The following ACLY variants were observed in gnomAD, a reference collection of about 807,000 sequenced individuals.
ACLY encodes ATP-citrate synthase.
Under a neutral mutation model 133.0 loss-of-function variants are expected in ACLY, and 41 were observed. The observed-to-expected ratio is 0.31, with a 90% CI of 0.24 to 0.40. ACLY has a LOEUF of 0.40. Ranked by LOEUF, ACLY falls within the 10% of genes least tolerant of loss-of-function variation. The pLI is 1.00. For synonymous variants in ACLY, 495 were observed against 549.3 expected, an observed-to-expected ratio of 0.90 and a Z score of 1.38; for missense variants, 1,046 against 1,453.8, an observed-to-expected ratio of 0.72 and a Z score of 4.56.
In ACLY at chr17:41,872,038, G is replaced by A. The variant is rs989698339; in HGVS notation, c.2787C>T (p.Leu929=). 1 of 1,613,908 alleles carries A rather than the reference G, an allele frequency of 6.2e-7. No homozygotes were observed. The highest frequency in any genetic ancestry group is 1.3e-5 in the African/African-American group (1 of 74,912). The stretch of plus-strand genomic sequence containing the variant: ...CCATGATGACAGTACTTACGATGGT[G>A]AGCAGCCCCGAGGTGAGGCTGGAGA... The part of the protein sequence containing the change: ...DLVSSLTSGL[L]TIGDRFGGAL... The change falls in exon 24 of 29, where the codon CTC becomes CTT. Residue 929 remains leucine (L), a synonymous_variant. Transcript: ENST00000352035.
chr17:41,890,531 A>G (rs1258342603), intron 16 of ACLY, among the ~76,000 whole-genome samples: 3 of 151,436 alleles, frequency 2.0e-5, no homozygotes, highest in African/African-American at 7.3e-5. Flanking sequence ...AAAAATACAA[A>G]AAAAAAATTA....
At chr17:41,919,863 A>G (rs1218653134), upstream of ACLY, among the ~76,000 whole-genome samples, 1 of 152,224 alleles carries the variant, frequency 6.6e-6, no homozygotes, top group East Asian at 1.9e-4. Flanking sequence ...CTTGTGGGGC[A>G]GAATATGTGA....
intron 16 of ACLY, among the ~76,000 whole-genome samples, 172 bp downstream of exon 16, chr17:41,892,107 C>A (rs1243866675): frequency 6.6e-6 from 1 of 152,176 alleles, no homozygotes; most frequent in East Asian, 1.9e-4. Context: ...ACCATTTCCA[C>A]CTAAACCACT....
chr17:41,867,962 G>C, intron 28 of ACLY, 58 bp from the exon 29 acceptor site: 1 of 1,262,364 alleles, frequency 7.9e-7, no homozygotes, highest in Non-Finnish European at 1.1e-6. Flanking sequence ...GTGAGAGGAA[G>C]AGGCTAAGGA....
intron 1 of ACLY, among the ~76,000 whole-genome samples, chr17:41,917,355 G>A (rs1228940031): frequency 6.6e-6 from 1 of 152,070 alleles, no homozygotes; most frequent in Admixed American, 6.6e-5. Flanking sequence ...GGGAAATCAT[G>A]CCAAGGAACC....
At chr17:41,871,550 T>G in intron 25 of ACLY, 139 bp downstream of exon 25, 1 of 950,070 alleles carries the variant, frequency 1.1e-6, no homozygotes, top group South Asian at 1.6e-5. Context: ...AGACGGGGTT[T>G]CTCCATGTTG....
At chr17:41,869,404 T>C in intron 26 of ACLY, 70 bp downstream of exon 26, 4 of 1,269,792 alleles carry the variant, frequency 3.2e-6, no homozygotes, top group Middle Eastern at 2.6e-4. Flanking sequence ...AATCAAAATG[T>C]AACGTGGCTC....
intron 14 of ACLY, among the ~76,000 whole-genome samples, chr17:41,895,681 T>A (rs2049345635): frequency 6.6e-6 from 1 of 152,212 alleles, no homozygotes; most frequent in Non-Finnish European, 1.5e-5. Context: ...CTGGTCCCTG[T>A]TCTTTCCACA....
chr17:41,917,134 CAAAA>C (rs35545409), intron 1 of ACLY, among the ~76,000 whole-genome samples: 2 of 53,544 alleles, frequency 3.7e-5, no homozygotes. Flanking sequence ...GACTCTGTCT[CAAAA>C]AAAAAAAAAA....
chr17:41,887,515 G>C (rs998058476), intron 17 of ACLY, 84 bp downstream of exon 17: 8 of 1,068,268 alleles, frequency 7.5e-6, no homozygotes, highest in Admixed American at 3.5e-5. Context: ...GGGAGATAGA[G>C]GAGTCAAAAA....
In ACLY at chr17:41,912,472, G is replaced by C. The variant is rs1157547570; in HGVS notation, c.230C>G (p.Thr77Ser). Residue 77 changes from threonine (T) to serine (S), a missense_variant, in exon 3 of 29, where the codon ACT becomes AGT. Physicochemically the swap from Thr to Ser is moderately conservative, Grantham distance 58. This residue lies in a region of ACLY where 227 missense variants were observed against 245.6 expected (regional missense o/e 0.92). Transcript: ENST00000352035. Reference sequence around the variant, plus strand: ...CAGCCAGGACTTGACCCCATCCAGAGTGAGGTTGACCCCAACGAGACCAAG... The same window carrying C: ...CAGCCAGGACTTGACCCCATCCAGACTGAGGTTGACCCCAACGAGACCAAG... The part of the protein sequence containing the change: ...GKLGLVGVNL[T>S]LDGVKSWLKP... 3.1e-6 allele frequency: 5 copies of C among 1,614,120 alleles called. No homozygotes were observed. Among genetic ancestry groups the C allele is most frequent in the Non-Finnish European group, 4.2e-6 (5 of 1,180,052 alleles).
chr17:41,880,643 T>A (rs577139027), intron 20 of ACLY, among the ~76,000 whole-genome samples: 2 of 152,080 alleles, frequency 1.3e-5, no homozygotes, highest in Admixed American at 6.5e-5. Flanking sequence ...GATGGGTGGA[T>A]CATGAGGTCA....
rs1555627802 is a variant in ACLY at position 41,884,219 on chromosome 17, C to T, written c.2128G>A (p.Val710Ile). 1.9e-6 allele frequency: 3 copies of T among 1,611,218 alleles called. No homozygotes were observed. The Admixed American group carries it at 5.0e-5, about 27-fold the overall frequency. The stretch of plus-strand genomic sequence containing the variant: ...TCTCCAAGAACCACAATCATTTTGA[C>T]TCCTGGAGTGTCCTGATAGCGTAAC... The part of the protein sequence containing the change: ...HVLRYQDTPG[V>I]KMIVVLGEIG... Residue 710 changes from valine (V) to isoleucine (I), a missense_variant, in exon 19 of 29, where the codon GTC becomes ATC. Transcript: ENST00000352035.
rs782501478 is a variant in ACLY, at chr17:41,873,968, G to A, written c.2488-3C>T. On this transcript the variant is annotated splice_region_variant and splice_polypyrimidine_tract_variant and intron_variant, in intron 22 of 28. Coordinates refer to ENST00000352035, the MANE Select transcript of ACLY (RefSeq NM_001096.3). ...GGTTTGCGGATCAAACCAAGCTCCT[G>A]GGCAGAGATGGGGAAGAGGGAAGCA... 6.3e-7 allele frequency: 1 copy of A among 1,589,994 alleles called. No homozygotes were observed. The highest frequency in any genetic ancestry group is 8.6e-7 in the Non-Finnish European group (1 of 1,163,514).
At chr17:41,896,238 C>T (rs1304459534) in intron 14 of ACLY, among the ~76,000 whole-genome samples, 4 of 152,276 alleles carry the variant, frequency 2.6e-5, no homozygotes, top group East Asian at 1.9e-4. Flanking sequence ...CAGTGACAGA[C>T]GCCCACGACT....
In ACLY at chr17:41,906,651, G is replaced by T. The variant is rs2049727574; in HGVS notation, c.748-5C>A. The T allele has an allele frequency of 6.2e-7, 1 of 1,613,224 alleles. No homozygotes were observed. Among genetic ancestry groups the T allele is most frequent in the Admixed American group, 1.7e-5 (1 of 60,002 alleles). ...GAGGTCTGCAATGTAGGCTTCCTGG[G>T]GACCAGACAGCAACAGGTAGGCCCT... On this transcript the variant is annotated splice_polypyrimidine_tract_variant and splice_region_variant and intron_variant, in intron 7 of 28. Coordinates refer to ENST00000352035, the MANE Select transcript of ACLY (RefSeq NM_001096.3).
At chr17:41,878,226 GTGGATTT>G in intron 21 of ACLY, 30 bp from the exon 22 acceptor site, 1 of 1,495,208 alleles carries the variant, frequency 6.7e-7, no homozygotes, top group Non-Finnish European at 9.0e-7. Context: ...AGACATCCAT[GTGGATTT>G]TCTTATTTTG....
chr17:41,895,792 G>C lies in ACLY; in HGVS notation c.1459+828C>G, dbSNP rs183563744. Among the ~76,000 whole-genome samples, 6 of 152,170 alleles carry C rather than the reference G, an allele frequency of 3.9e-5. No individual in the cohort carries two copies. In the East Asian group the frequency reaches 1.2e-3, roughly 29 times the overall value. On this transcript the variant is annotated intron_variant, in intron 14 of 28. Coordinates refer to ENST00000352035, the MANE Select transcript of ACLY (RefSeq NM_001096.3). ...TTCCAGGCCTTTCCAGCTGGTTATC[G>C]ACCCTGCCAATTACTCCTTCCCCTC...
chr17:41,904,990 G>C (rs2049667677), intron 9 of ACLY, among the ~76,000 whole-genome samples, 200 bp from the exon 10 acceptor site: 2 of 152,056 alleles, frequency 1.3e-5, no homozygotes, highest in South Asian at 4.1e-4. Context: ...CCACCAGACA[G>C]GGGTCAGAAC....
Sources: gnomAD v4.1 joint callset for allele counts (sites outside exome capture counted in the v4.1 genomes callset) on GRCh38, gnomAD v4.1.1 for gene constraint, gnomAD v4.1.1 regional missense constraint, MANE v1.5 for transcripts, NCBI Gene and HGNC (gene_info 2026-07-23, HGNC 2026-07-21) for gene names.